PTPRN2: variants seen among roughly 807,000 people sequenced by gnomAD.
PTPRN2 encodes protein tyrosine phosphatase receptor type N2, also known as receptor-type tyrosine-protein phosphatase N2.
In PTPRN2, 74 loss-of-function variants were observed where a neutral mutation model predicts 118.8. The observed-to-expected ratio is 0.62, with a 90% confidence interval of 0.52 to 0.76. The LOEUF (loss-of-function observed/expected upper bound fraction) is 0.76. PTPRN2 is among the 30% of genes least tolerant of loss of function. The pLI is 0.00. For synonymous variants in PTPRN2, 641 were observed against 608.0 expected, an observed-to-expected ratio of 1.05 and a Z score of -0.80; for missense variants, 1,481 against 1,394.4, an observed-to-expected ratio of 1.06 and a Z score of -0.99.
At chr7:158,371,444 A>G (rs1809989314) in intron 2 of PTPRN2, among the ~76,000 whole-genome samples, 1 of 152,200 alleles carries the variant, frequency 6.6e-6, no homozygotes, top group Admixed American at 6.6e-5. Context: ...ATTTGTAACA[A>G]TTTTACCAAT....
In PTPRN2 at chr7:158,023,965, G is replaced by C. The variant is rs562041035; in HGVS notation, c.1723+57333C>G. ...AGACACACATGCCGGCACACACACAGGGCCTGGCACATGGGTTCTATATTT... is the reference window on the plus strand; with the variant it reads ...AGACACACATGCCGGCACACACACACGGCCTGGCACATGGGTTCTATATTT... On this transcript the variant is annotated intron_variant, in intron 11 of 22. Coordinates refer to ENST00000389418, the MANE Select transcript of PTPRN2 (RefSeq NM_002847.5). Among the ~76,000 whole-genome samples, 4 of 152,086 alleles carry C rather than the reference G, an allele frequency of 2.6e-5. No individual in the cohort carries two copies. In the East Asian group the frequency reaches 5.8e-4, roughly 22 times the overall value.
intron 11 of PTPRN2, among the ~76,000 whole-genome samples, chr7:157,946,501 TTGTTATCAGCA>T (rs1428170124): frequency 3.9e-5 from 6 of 152,214 alleles, no homozygotes; most frequent in Non-Finnish European, 7.4e-5. Context: ...GTGAGAGGCT[TTGTTATCAGCA>T]TGCAGCCCAG....
At chr7:158,359,879 G>C (rs955688488) in intron 2 of PTPRN2, among the ~76,000 whole-genome samples, 2 of 152,064 alleles carry the variant, frequency 1.3e-5, no homozygotes, top group Non-Finnish European at 2.9e-5. Flanking sequence ...ACCTTAGCTT[G>C]GCCCCTCCTT....
At chr7:158,054,358 C>T (rs1354164529) in intron 11 of PTPRN2, among the ~76,000 whole-genome samples, 2 of 152,142 alleles carry the variant, frequency 1.3e-5, no homozygotes, top group African/African-American at 4.8e-5. Context: ...ACAGGACACT[C>T]CTCAGGAAAG....
rs117988396 is a variant in PTPRN2, at chr7:158,239,820, A to G, written c.278-34547T>C. On this transcript the variant is annotated intron_variant, in intron 3 of 22. Transcript: ENST00000389418. ...AGAAAGCCACGCTTCCTCCACGCCC[A>G]TTGGGTCACGAAATCCTTGCTAATC... 3.2e-3 allele frequency among the ~76,000 whole-genome samples: 487 copies of G among 152,310 alleles called. 1 individual carries two copies. The highest frequency in any genetic ancestry group is 5.9e-3 in the Non-Finnish European group (400 of 68,024).
At position 157,945,713 on chromosome 7, in the gene PTPRN2, G is replaced by A. The variant is rs370442533; in HGVS notation, c.1724-46976C>T. 9.1e-3 allele frequency among the ~76,000 whole-genome samples: 1,368 copies of A among 150,628 alleles called. 80 individuals carry two copies. In the East Asian group the frequency reaches 0.17, roughly 19 times the overall value. Reference sequence around the variant, plus strand: ...CTTGGACGATGTCACCTCCAACTTGGATGATGCCACCTCCAGCTTGGACAA... The same window carrying A: ...CTTGGACGATGTCACCTCCAACTTGAATGATGCCACCTCCAGCTTGGACAA... On this transcript the variant is annotated intron_variant, in intron 11 of 22. Transcript: ENST00000389418.
At chr7:158,123,560 G>A (rs776455578) in intron 9 of PTPRN2, among the ~76,000 whole-genome samples, 32 of 152,262 alleles carry the variant, frequency 2.1e-4, no homozygotes, top group East Asian at 3.9e-4. Flanking sequence ...ATGCAGCCCC[G>A]GAGCTCGTGT....
intron 3 of PTPRN2, among the ~76,000 whole-genome samples, chr7:158,303,507 C>T (rs1801048013): frequency 6.6e-6 from 1 of 152,170 alleles, no homozygotes; most frequent in Non-Finnish European, 1.5e-5. Context: ...TAACAAAATG[C>T]ATTATACTAA....
At chr7:157,906,730 G>A (rs1013230237) in intron 11 of PTPRN2, among the ~76,000 whole-genome samples, 1 of 152,200 alleles carries the variant, frequency 6.6e-6, no homozygotes, top group African/African-American at 2.4e-5. Flanking sequence ...GGGCGCTGGG[G>A]CACACGCTGT....
At chr7:157,827,428 T>A (rs1220613989) in intron 12 of PTPRN2, among the ~76,000 whole-genome samples, 2 of 143,520 alleles carry the variant, frequency 1.4e-5, no homozygotes, top group Non-Finnish European at 1.6e-5. Context: ...GCCGTGGCTG[T>A]CTGGAGGCCA....
rs533473092 is a variant in PTPRN2 at position 158,477,632 on chromosome 7, C to T, written c.163+12103G>A. Among the ~76,000 whole-genome samples the T allele has an allele frequency of 2.0e-5, 3 of 152,316 alleles. No homozygotes were observed. The South Asian group carries it at 6.2e-4, about 32-fold the overall frequency. On this transcript the variant is annotated intron_variant, in intron 2 of 22. Transcript: ENST00000389418. The stretch of plus-strand genomic sequence containing the variant: ...TAATACCGAAGTGGGTCAAGAGAGG[C>T]AACCGAGAATTTGATTTTAAAGAAT...
rs558946519 is a variant in PTPRN2 at position 157,860,925 on chromosome 7, CA to C, written c.1788+37747del. Among the ~76,000 whole-genome samples, 66 of 152,304 alleles carry C rather than the reference CA, an allele frequency of 4.3e-4. 2 individuals carry two copies. In the South Asian group the frequency reaches 0.013, roughly 31 times the overall value. ...ACCAGGCAATTCAGTCAGTAGCTGT[CA>C]AAACTGGAGTCCAGAACAGGCACAG... is the stretch of plus-strand genomic sequence containing the variant. On this transcript the variant is annotated intron_variant, in intron 12 of 22. Transcript: ENST00000389418.
Position 157,953,616 on chromosome 7 carries a change from G to T in PTPRN2, c.1724-54879C>A, listed in dbSNP as rs1171596826. Among the ~76,000 whole-genome samples the T allele has an allele frequency of 2.0e-5, 3 of 152,090 alleles. No homozygotes were observed. The highest frequency in any genetic ancestry group is 4.8e-5 in the African/African-American group (2 of 41,400). On this transcript the variant is annotated intron_variant, in intron 11 of 22. Coordinates refer to ENST00000389418, the MANE Select transcript of PTPRN2 (RefSeq NM_002847.5). The surrounding 1 kb of genome is among the most constrained non-coding windows in gnomAD (Gnocchi z 4.6). ...TTCTATGACATCCTGACACTGCCCT[G>T]CTTGGACACTCTCTGGACAGGAGAC...
At position 157,540,779 on chromosome 7, in the gene PTPRN2, A is replaced by G. The variant is rs1382383721; in HGVS notation, c.2983T>C (p.Phe995Leu). The G allele has an allele frequency of 1.3e-6, 2 of 1,564,362 alleles. No individual in the cohort carries two copies. The highest frequency in any genetic ancestry group is 2.4e-5 in the East Asian group (1 of 42,024). The change falls in exon 23 of 23, where the codon TTT (phenylalanine) becomes CTT (leucine). Residue 995 changes from phenylalanine (F) to leucine (L), a missense_variant. Around this residue, in one of 3 missense-constraint regions of PTPRN2, gnomAD observed 362 missense variants for 384.1 expected, o/e 0.94. Coordinates refer to ENST00000389418, the MANE Select transcript of PTPRN2 (RefSeq NM_002847.5). ...RPGMVQTKEQ[F>L]EFALTAVAEE... ...GCCACGGCTGTCAGCGCGAACTCAA[A>G]CTGCTCCTGCAGGGCGAGAAACGAG...
intron 3 of PTPRN2, among the ~76,000 whole-genome samples, chr7:158,263,100 C>A (rs1804553451): frequency 1.7e-5 from 2 of 116,808 alleles, no homozygotes. Context: ...CATTCACACA[C>A]TGCACACACA....
chr7:158,148,718 C>T (rs374030266), intron 6 of PTPRN2, among the ~76,000 whole-genome samples: 5 of 77,928 alleles, frequency 6.4e-5, no homozygotes, highest in South Asian at 7.0e-4. Context: ...CCCCATCTCA[C>T]GCCACGTGTC....
intron 2 of PTPRN2, among the ~76,000 whole-genome samples, chr7:158,421,579 A>C (rs1815258227): frequency 6.6e-6 from 1 of 152,256 alleles, no homozygotes. Flanking sequence ...AAATCTGAAC[A>C]GTGATAAGTT....
intron 2 of PTPRN2, among the ~76,000 whole-genome samples, chr7:158,458,096 T>C (rs754049559): frequency 6.6e-6 from 1 of 152,190 alleles, no homozygotes; most frequent in Non-Finnish European, 1.5e-5. Flanking sequence ...CAGGGTTCCA[T>C]TATGCGTCCC....
intron 2 of PTPRN2, among the ~76,000 whole-genome samples, chr7:158,441,601 ATGGTGATGGCAGTGGTGGTGG>A (rs1817244454): frequency 1.4e-5 from 2 of 145,176 alleles, no homozygotes; most frequent in East Asian, 2.1e-4. Flanking sequence ...GGTGATAGTG[ATGGTGATGGCAGTGGTGGTGG>A]TGGTGATAGT....
Sources: allele counts gnomAD v4.1 joint callset (sites outside exome capture counted in the v4.1 genomes callset), GRCh38; gene constraint gnomAD v4.1.1; regional missense constraint gnomAD v4.1.1; non-coding constraint Gnocchi (gnomAD v3.1); transcripts MANE v1.5; gene names NCBI Gene and HGNC (gene_info 2026-07-23, HGNC 2026-07-21).